The following CACNB2 variants were observed in gnomAD, a reference collection of about 807,000 sequenced individuals.
CACNB2 encodes calcium voltage-gated channel auxiliary subunit beta 2.
A neutral mutation model predicts 73.3 loss-of-function variants in CACNB2; 42 were observed. The ratio of observed to expected loss-of-function variants is 0.57; its 90% CI spans 0.45 to 0.74. CACNB2 has a LOEUF of 0.74. Among genes scored for constraint, CACNB2 ranks in the 30% least tolerant of loss-of-function variants. The pLI, the probability that CACNB2 is intolerant of heterozygous loss-of-function variation, is 0.00. For missense variants in CACNB2, 940 were observed against 853.0 expected, an observed-to-expected ratio of 1.10 and a Z score of -1.27; for synonymous variants, 348 against 310.3, an observed-to-expected ratio of 1.12 and a Z score of -1.28.
chr10:18,309,809 G>C (rs2039888682), intron 2 of CACNB2, among the ~76,000 whole-genome samples: 2 of 152,178 alleles, frequency 1.3e-5, no homozygotes, highest in Admixed American at 1.3e-4. Flanking sequence ...TTTCAGAATA[G>C]ATGTCCGGAT....
At chr10:18,299,088 T>G (rs201557528) in intron 2 of CACNB2, among the ~76,000 whole-genome samples, 116 of 138,106 alleles carry the variant, frequency 8.4e-4, no homozygotes, top group East Asian at 6.3e-3. Flanking sequence ...AAATAAAAAA[T>G]AAAAGAAAAA....
intron 2 of CACNB2, among the ~76,000 whole-genome samples, chr10:18,176,361 A>G (rs1226427761): frequency 6.6e-6 from 1 of 152,178 alleles, no homozygotes; most frequent in Non-Finnish European, 1.5e-5. Context: ...GATGTATTTA[A>G]AAGAAGAAAA....
chr10:18,169,998 A>G lies in CACNB2; in HGVS notation c.213+19023A>G, dbSNP rs555382765. On this transcript the variant is annotated intron_variant, in intron 2 of 13. Coordinates refer to ENST00000324631, the MANE Select transcript of CACNB2 (RefSeq NM_201596.3). ...TTGGTTTCATTCTCAGCTCTAGGTGATGACAAGATGGCTCCCAACAGCTTT... is the reference window on the plus strand; with the variant it reads ...TTGGTTTCATTCTCAGCTCTAGGTGGTGACAAGATGGCTCCCAACAGCTTT... Among the ~76,000 whole-genome samples, 9 of 152,270 alleles carry G rather than the reference A, an allele frequency of 5.9e-5. No homozygotes were observed. The South Asian group carries it at 1.0e-3, about 18-fold the overall frequency.
intron 2 of CACNB2, among the ~76,000 whole-genome samples, chr10:18,344,925 T>A (rs1475513735): frequency 6.6e-6 from 1 of 152,246 alleles, no homozygotes; most frequent in African/African-American, 2.4e-5. Flanking sequence ...TTTATAGTTG[T>A]AACTGCAGTG....
Position 18,534,162 on chromosome 10 carries a change from C to T in CACNB2, c.1141C>T (p.Pro381Ser). 3.7e-6 allele frequency: 6 copies of T among 1,613,572 alleles called. No individual in the cohort carries two copies. The highest frequency in any genetic ancestry group is 5.1e-6 in the Non-Finnish European group (6 of 1,179,508). Residue 381 changes from proline (P) to serine (S), a missense_variant, in exon 11 of 14, where the codon CCA (proline) becomes TCA (serine). Physicochemically the swap from Pro to Ser is moderately conservative, Grantham distance 74. Coordinates refer to ENST00000324631, the MANE Select transcript of CACNB2 (RefSeq NM_201596.3). ...CCTTGACGCGGATACAATTAATCAT[C>T]CAGCTCAACTCAGTAAAACCTCCTT... ...VVLDADTINH[P>S]AQLSKTSLAP...
At chr10:18,361,915 A>T (rs1000335474) in intron 2 of CACNB2, among the ~76,000 whole-genome samples, 1 of 152,160 alleles carries the variant, frequency 6.6e-6, no homozygotes, top group African/African-American at 2.4e-5. Flanking sequence ...ACCCAGCCTA[A>T]GGTAGCATTC....
intron 2 of CACNB2, among the ~76,000 whole-genome samples, chr10:18,228,171 C>G (rs2036075486): frequency 6.6e-6 from 1 of 152,034 alleles, no homozygotes; most frequent in Non-Finnish European, 1.5e-5. Flanking sequence ...GCCTTGTAAT[C>G]CTAGCACTTA....
intron 5 of CACNB2, among the ~76,000 whole-genome samples, chr10:18,503,723 A>G (rs1271961739): frequency 6.6e-6 from 1 of 152,198 alleles, no homozygotes; most frequent in Non-Finnish European, 1.5e-5. Flanking sequence ...TTTTGTTTTT[A>G]GTTAGGACAA....
At chr10:18,245,105 A>T (rs2036810471) in intron 2 of CACNB2, among the ~76,000 whole-genome samples, 1 of 151,630 alleles carries the variant, frequency 6.6e-6, no homozygotes, top group African/African-American at 2.4e-5. Context: ...TTCCCCAGTA[A>T]GACTCATTTC....
intron 3 of CACNB2, among the ~76,000 whole-genome samples, chr10:18,413,036 T>C (rs959952565): frequency 6.6e-6 from 1 of 152,230 alleles, no homozygotes; most frequent in African/African-American, 2.4e-5. Flanking sequence ...AGTGGCACGA[T>C]CTTAGCTGAC....
intron 2 of CACNB2, among the ~76,000 whole-genome samples, chr10:18,303,225 A>G (rs147808414): frequency 0.013 from 2,053 of 152,296 alleles, 15 homozygotes; most frequent in Middle Eastern, 0.031. Flanking sequence ...GGAGAAGGCC[A>G]GGCATGGTGA....
chr10:18,404,115 C>T (rs1284827752), intron 3 of CACNB2, among the ~76,000 whole-genome samples: 4 of 151,766 alleles, frequency 2.6e-5, no homozygotes, highest in African/African-American at 7.3e-5. Context: ...ATCTATGTAC[C>T]CATAAAATTT....
At chr10:18,202,918 A>G (rs1348729789) in intron 2 of CACNB2, among the ~76,000 whole-genome samples, 1 of 152,142 alleles carries the variant, frequency 6.6e-6, no homozygotes. Context: ...TCAGTTTCCT[A>G]TTATCTCTGT....
chr10:18,164,305 C>A (rs753738246), intron 2 of CACNB2, among the ~76,000 whole-genome samples: 2 of 152,130 alleles, frequency 1.3e-5, no homozygotes, highest in Non-Finnish European at 2.9e-5. Flanking sequence ...TTTTCCCTTG[C>A]GCAGAAGTGG....
chr10:18,387,085 G>A (rs1335868607), intron 2 of CACNB2, among the ~76,000 whole-genome samples: 2 of 152,158 alleles, frequency 1.3e-5, no homozygotes, highest in Admixed American at 1.3e-4. Flanking sequence ...TAGCTGAGTC[G>A]TCTCAGAGCC....
intron 2 of CACNB2, among the ~76,000 whole-genome samples, chr10:18,324,975 T>A (rs1279675608): frequency 6.6e-6 from 1 of 152,250 alleles, no homozygotes; most frequent in African/African-American, 2.4e-5. Context: ...AGTATTAGCT[T>A]CATGAGCATG....
chr10:18,308,655 G>T (rs761807605), intron 2 of CACNB2, among the ~76,000 whole-genome samples: 1 of 152,220 alleles, frequency 6.6e-6, no homozygotes, highest in African/African-American at 2.4e-5. Flanking sequence ...ACTTTCATGA[G>T]ATCTGGCTCT....
intron 3 of CACNB2, among the ~76,000 whole-genome samples, chr10:18,404,305 A>G (rs2044167360): frequency 6.6e-6 from 1 of 152,160 alleles, no homozygotes; most frequent in African/African-American, 2.4e-5. Flanking sequence ...AGTCTGGTTT[A>G]TTAATCCCAA....
At chr10:18,392,650 C>A (rs2043532936) in intron 2 of CACNB2, among the ~76,000 whole-genome samples, 1 of 152,120 alleles carries the variant, frequency 6.6e-6, no homozygotes, top group Admixed American at 6.5e-5. Flanking sequence ...TTTGCTGATT[C>A]AAATGATTCA....
Sources: allele counts gnomAD v4.1 joint callset (sites outside exome capture counted in the v4.1 genomes callset), GRCh38; gene constraint gnomAD v4.1.1; transcripts MANE v1.5; gene names NCBI Gene and HGNC (gene_info 2026-07-23, HGNC 2026-07-21).